ATP10A: variants seen among roughly 807,000 people sequenced by gnomAD.
ATP10A encodes phospholipid-transporting ATPase VA.
In ATP10A, 111 loss-of-function variants were observed where a neutral mutation model predicts 147.8. That is an observed-to-expected ratio of 0.75 (90% confidence interval 0.64 to 0.88). The LOEUF (loss-of-function observed/expected upper bound fraction) is 0.88. ATP10A is among the 40% of genes least tolerant of loss of function. ATP10A has a pLI of 0.00. For synonymous variants in ATP10A, 875 were observed against 841.6 expected (o/e 1.04, Z -0.69); for missense variants, 1,927 against 1,959.0 (o/e 0.98, Z 0.31).
intron 1 of ATP10A, chr15:25,862,340 T>C (rs756231441): frequency 3.5e-4 from 205 of 581,448 alleles, no homozygotes; most frequent in Admixed American, 1.0e-3. Context: ...GGAGCGGCTG[T>C]GGATGAGGAT....
chr15:25,696,875 C>T (rs1900369323), intron 13 of ATP10A, among the ~76,000 whole-genome samples: 1 of 152,206 alleles, frequency 6.6e-6, no homozygotes, highest in Admixed American at 6.5e-5. Context: ...GCAGGAATGG[C>T]AGTGGCAGAA....
At chr15:25,789,874 T>G (rs1890333222) in intron 1 of ATP10A, among the ~76,000 whole-genome samples, 1 of 152,144 alleles carries the variant, frequency 6.6e-6, no homozygotes, top group Non-Finnish European at 1.5e-5. Flanking sequence ...TACAAGTTGT[T>G]ACAACCTAAA....
chr15:25,740,970 T>C (rs1887552753), intron 2 of ATP10A, among the ~76,000 whole-genome samples: 1 of 152,228 alleles, frequency 6.6e-6, no homozygotes, highest in South Asian at 2.1e-4. Context: ...GCTTCCTCTG[T>C]CTTGCCATCC....
chr15:25,785,944 G>A (rs142475356), intron 1 of ATP10A, among the ~76,000 whole-genome samples: 64 of 152,358 alleles, frequency 4.2e-4, no homozygotes, highest in African/African-American at 1.5e-3. Context: ...GCTGTGCGGG[G>A]TCCGGTCTCC....
chr15:25,847,086 A>T (rs1893055122), intron 1 of ATP10A, among the ~76,000 whole-genome samples: 1 of 152,206 alleles, frequency 6.6e-6, no homozygotes, highest in African/African-American at 2.4e-5. Flanking sequence ...ATCCTTGTTA[A>T]ATTCTGGGTA....
At chr15:25,770,420 G>C (rs1889276665) in intron 2 of ATP10A, among the ~76,000 whole-genome samples, 2 of 152,180 alleles carry the variant, frequency 1.3e-5, no homozygotes, top group Admixed American at 6.5e-5. Context: ...AGCAGGCCAA[G>C]GGGCTGACTC....
At chr15:25,734,660 G>A (rs1213734415) in intron 3 of ATP10A, among the ~76,000 whole-genome samples, 1 of 152,164 alleles carries the variant, frequency 6.6e-6, no homozygotes, top group Admixed American at 6.5e-5. Flanking sequence ...AATCGTAGAG[G>A]TTATATGCTT....
At chr15:25,799,065 C>T (rs543590752) in intron 1 of ATP10A, among the ~76,000 whole-genome samples, 8 of 152,174 alleles carry the variant, frequency 5.3e-5, no homozygotes, top group Admixed American at 2.0e-4. Flanking sequence ...CCTGCTTGCC[C>T]GCAGTTATTT....
chr15:25,718,034 T>C (rs1901928384), intron 8 of ATP10A, 148 bp downstream of exon 8: 2 of 786,374 alleles, frequency 2.5e-6, no homozygotes, highest in Non-Finnish European at 4.0e-6. Flanking sequence ...GAGAAAGTGT[T>C]GGCCAGAAAA....
chr15:25,802,850 G>C (rs996718218), intron 1 of ATP10A, among the ~76,000 whole-genome samples: 1 of 151,950 alleles, frequency 6.6e-6, no homozygotes, highest in Admixed American at 6.5e-5. Context: ...CTTCCCCTTT[G>C]CCCTACAACC....
intron 2 of ATP10A, among the ~76,000 whole-genome samples, chr15:25,760,408 C>A (rs1396653902): frequency 2.0e-5 from 3 of 152,148 alleles, no homozygotes; most frequent in Non-Finnish European, 4.4e-5. Flanking sequence ...TCACGAATAA[C>A]CAAATTTCCT....
At chr15:25,674,054 T>C (rs1180580193), downstream of ATP10A, among the ~76,000 whole-genome samples, 1 of 152,188 alleles carries the variant, frequency 6.6e-6, no homozygotes, top group Non-Finnish European at 1.5e-5. Context: ...GTTACACTGA[T>C]GAAAAGAACG....
intron 1 of ATP10A, among the ~76,000 whole-genome samples, chr15:25,811,855 C>A (rs1464435054): frequency 6.6e-6 from 1 of 152,160 alleles, no homozygotes; most frequent in African/African-American, 2.4e-5. Context: ...GCTGGCTGCA[C>A]CTGCATGGAC....
At position 25,708,641 on chromosome 15, in the gene ATP10A, A is replaced by G. The variant is rs181189993; in HGVS notation, c.2345-341T>C. 2.8e-4 allele frequency: 57 copies of G among 203,852 alleles called. No individual in the cohort carries two copies. In the Admixed American group the frequency reaches 3.1e-3, roughly 11 times the overall value. 12.6% of individuals were successfully genotyped at this position (203,852 alleles called of 1,614,324 possible). A position where few individuals can be genotyped will look rare whatever the true frequency, so the allele number is the denominator to read the frequency against. ...CTGCTGATGTTTGGCTGTTTTTAAC[A>G]TCCTTTGTTGAAATAAGCTCATGAA... On this transcript the variant is annotated intron_variant, in intron 10 of 20. Transcript: ENST00000555815.
chr15:25,828,380 A>G (rs149914335), intron 1 of ATP10A, among the ~76,000 whole-genome samples: 1 of 152,368 alleles, frequency 6.6e-6, no homozygotes, highest in African/African-American at 2.4e-5. Context: ...CCTGTAGTAC[A>G]GACCATAAGC....
chr15:25,861,085 C>T (rs1893738022), intron 1 of ATP10A, among the ~76,000 whole-genome samples: 1 of 152,120 alleles, frequency 6.6e-6, no homozygotes, highest in South Asian at 2.1e-4. Flanking sequence ...CAGGAAATCC[C>T]ACAGCCCGGT....
intron 2 of ATP10A, among the ~76,000 whole-genome samples, chr15:25,746,468 G>C (rs1338518355): frequency 1.3e-5 from 2 of 152,210 alleles, no homozygotes; most frequent in South Asian, 2.1e-4. Flanking sequence ...TTATATATTT[G>C]AGCATCACTA....
rs373012273 is a variant in ATP10A, at chr15:25,748,654, G to GA, written c.655-12514dup. On this transcript the variant is annotated intron_variant, in intron 2 of 20. Transcript: ENST00000555815. ...AGTCCTTGCCACTGCAATTAGGTAA[G>GA]AAAAAAAAAAGTATAATGACTAAAA... is the stretch of plus-strand genomic sequence containing the variant. 3.1e-3 allele frequency among the ~76,000 whole-genome samples: 452 copies of GA among 144,716 alleles called. 6 individuals are homozygous for GA. Among genetic ancestry groups the GA allele is most frequent in the African/African-American group, 8.9e-3 (353 of 39,554 alleles). The allele number at this position is 144,716 out of a possible 152,430, so 94.9% of individuals were successfully genotyped here.
intron 1 of ATP10A, among the ~76,000 whole-genome samples, chr15:25,820,858 G>T (rs1456640013): frequency 6.6e-6 from 1 of 151,950 alleles, no homozygotes; most frequent in Non-Finnish European, 1.5e-5. Flanking sequence ...CATATTTCAG[G>T]GTTCAAAAGA....
Sources: gnomAD v4.1 joint callset for allele counts (sites outside exome capture counted in the v4.1 genomes callset) on GRCh38, gnomAD v4.1.1 for gene constraint, MANE v1.5 for transcripts, NCBI Gene and HGNC (gene_info 2026-07-23, HGNC 2026-07-21) for gene names.